Variants in MRPL1 observed in about 807,000 individuals in gnomAD.
The protein encoded by MRPL1 is mitochondrial ribosomal protein L1, also known as large ribosomal subunit protein uL1m.
MRPL1 carries 28 observed loss-of-function variants against 38.0 expected under a neutral mutation model. That is an observed-to-expected ratio of 0.74 (90% CI 0.55 to 1.01). The LOEUF is 1.01. Ranked by LOEUF, MRPL1 falls within the 50% of genes least tolerant of loss-of-function variation. The probability of loss-of-function intolerance (pLI) is 0.00; values close to 1 mark genes in which losing one functional copy is unlikely to be tolerated. For missense variants in MRPL1, 358 were observed against 389.8 expected (o/e 0.92, Z 0.69); for synonymous variants, 123 against 126.7 (o/e 0.97, Z 0.20).
intron 6 of MRPL1, among the ~76,000 whole-genome samples, chr4:77,907,480 C>T (rs1335914122): frequency 1.6e-5 from 2 of 121,712 alleles, no homozygotes; most frequent in Non-Finnish European, 3.6e-5. Flanking sequence ...CTCTCTCTCT[C>T]TCCCTCCCTC....
intron 8 of MRPL1, among the ~76,000 whole-genome samples, chr4:77,950,376 G>T (rs1737379412): frequency 1.3e-5 from 2 of 152,166 alleles, no homozygotes; most frequent in South Asian, 4.1e-4. Context: ...ACTCAATTGA[G>T]ATGTGGAAGC....
intron 5 of MRPL1, 126 bp downstream of exon 5, chr4:77,887,417 G>A (rs1175734028): frequency 1.3e-6 from 1 of 798,756 alleles, no homozygotes; most frequent in South Asian, 2.0e-5. Flanking sequence ...GTCTTTATAA[G>A]AGCAGGAAAA....
In MRPL1 at chr4:77,883,428, A is replaced by G; in HGVS notation, c.330A>G (p.Gln110=). Residue 110 remains glutamine, a synonymous_variant, in exon 3 of 9, where the codon CAA becomes CAG. Transcript: ENST00000315567. Reference sequence around the variant, plus strand: ...CTGTTCACTTACTTAAGAAATTTCAAATTCTTGACTTTACTAGTCCAAAGC... The same window carrying G: ...CTGTTCACTTACTTAAGAAATTTCAGATTCTTGACTTTACTAGTCCAAAGC... The part of the protein sequence containing the change: ...EKAVHLLKKF[Q]ILDFTSPKQS... The G allele has an allele frequency of 6.2e-7, 1 of 1,613,952 alleles. No individual in the cohort carries two copies. Among genetic ancestry groups the G allele is most frequent in the Non-Finnish European group, 8.5e-7 (1 of 1,179,928 alleles).
chr4:77,911,617 C>G (rs1736289980), intron 7 of MRPL1, among the ~76,000 whole-genome samples: 1 of 152,004 alleles, frequency 6.6e-6, no homozygotes, highest in African/African-American at 2.4e-5. Context: ...TTTCCCATTT[C>G]TCCTGTATAT....
intron 7 of MRPL1, among the ~76,000 whole-genome samples, chr4:77,920,957 G>A (rs1356737967): frequency 3.3e-5 from 5 of 152,086 alleles, no homozygotes; most frequent in Admixed American, 2.0e-4. Flanking sequence ...TAGAGATGGG[G>A]TTTCACCAGG....
At chr4:77,908,818 G>A (rs1736221559) in intron 6 of MRPL1, among the ~76,000 whole-genome samples, 1 of 152,162 alleles carries the variant, frequency 6.6e-6, no homozygotes, top group South Asian at 2.1e-4. Context: ...TAGACTCAAT[G>A]GGCGATGGAT....
intron 7 of MRPL1, among the ~76,000 whole-genome samples, chr4:77,943,398 AGCT>A (rs1737179770): frequency 6.6e-6 from 1 of 151,916 alleles, no homozygotes; most frequent in African/African-American, 2.4e-5. Context: ...GTGTTCTTTG[AGCT>A]GCTATGTATT....
intron 2 of MRPL1, among the ~76,000 whole-genome samples, chr4:77,878,142 G>A (rs190846140): frequency 5.6e-4 from 85 of 152,332 alleles, no homozygotes; most frequent in African/African-American, 2.0e-3. Flanking sequence ...GAACTGGAGT[G>A]TGGGACTGAC....
intron 1 of MRPL1, among the ~76,000 whole-genome samples, chr4:77,868,248 G>GA (rs1560457908): frequency 6.8e-6 from 1 of 147,262 alleles, no homozygotes; most frequent in East Asian, 2.0e-4. Flanking sequence ...TGTATATTTT[G>GA]TTTTTTTTTC....
intron 1 of MRPL1, among the ~76,000 whole-genome samples, chr4:77,866,368 A>G (rs1185071252): frequency 6.6e-6 from 1 of 152,250 alleles, no homozygotes; most frequent in Non-Finnish European, 1.5e-5. Flanking sequence ...TTTTACATTG[A>G]TAATTTAATA....
chr4:77,912,355 G>C lies in MRPL1; in HGVS notation c.777+2983G>C, dbSNP rs1351188881. 2.0e-5 allele frequency among the ~76,000 whole-genome samples: 3 copies of C among 152,130 alleles called. No homozygotes were observed. The South Asian group carries it at 6.2e-4, about 31-fold the overall frequency. On this transcript the variant is annotated intron_variant, in intron 7 of 8. Coordinates refer to ENST00000315567, the MANE Select transcript of MRPL1 (RefSeq NM_020236.4). ...TCTAGCTACTAGAACAACGAAGTGA[G>C]TTAACTAAGGTTGAAGGTAGAAGCT...
At chr4:77,890,003 A>G (rs13131331) in intron 5 of MRPL1, among the ~76,000 whole-genome samples, 78,797 of 151,922 alleles carry the variant, frequency 0.52, 20,892 homozygotes, top group Admixed American at 0.57. Flanking sequence ...CTATCAACCA[A>G]AAAAAGTCCA....
chr4:77,903,500 T>A (rs1736082104), intron 6 of MRPL1, among the ~76,000 whole-genome samples: 1 of 152,182 alleles, frequency 6.6e-6, no homozygotes, highest in South Asian at 2.1e-4. Flanking sequence ...AGGGCATACA[T>A]AAGGGAAAGG....
chr4:77,872,450 G>A (rs545056960), intron 2 of MRPL1, among the ~76,000 whole-genome samples: 1 of 151,972 alleles, frequency 6.6e-6, no homozygotes, highest in South Asian at 2.1e-4. Flanking sequence ...GTATTATTTT[G>A]GCTGGGTATG....
At chr4:77,899,141 G>A (rs963269532) in intron 6 of MRPL1, among the ~76,000 whole-genome samples, 1 of 150,200 alleles carries the variant, frequency 6.7e-6, no homozygotes, top group African/African-American at 2.5e-5. Flanking sequence ...CTACAGGCAT[G>A]TGCTGCCACG....
At chr4:77,940,347 G>T (rs1012088140) in intron 7 of MRPL1, among the ~76,000 whole-genome samples, 2 of 152,038 alleles carry the variant, frequency 1.3e-5, no homozygotes, top group Non-Finnish European at 2.9e-5. Flanking sequence ...TTCTCAGCTT[G>T]GTTGCTGTTG....
intron 8 of MRPL1, among the ~76,000 whole-genome samples, 159 bp downstream of exon 8, chr4:77,950,037 TTAAA>T (rs984197308): frequency 2.0e-5 from 3 of 152,176 alleles, no homozygotes; most frequent in African/African-American, 4.8e-5. Context: ...TTTCCAGGGA[TTAAA>T]TAAATAAAAT....
At chr4:77,940,058 T>C (rs532196754) in intron 7 of MRPL1, among the ~76,000 whole-genome samples, 3 of 152,154 alleles carry the variant, frequency 2.0e-5, no homozygotes, top group Non-Finnish European at 2.9e-5. Context: ...TTTTAGGATT[T>C]TTTTTTCTAG....
intron 4 of MRPL1, among the ~76,000 whole-genome samples, chr4:77,885,580 T>A (rs1329488158): frequency 1.3e-5 from 2 of 152,094 alleles, no homozygotes; most frequent in East Asian, 3.9e-4. Context: ...TTGGCCGGGG[T>A]AGTCTTGATC....
Sources: allele counts gnomAD v4.1 joint callset (sites outside exome capture counted in the v4.1 genomes callset), GRCh38; gene constraint gnomAD v4.1.1; transcripts MANE v1.5; gene names NCBI Gene and HGNC (gene_info 2026-07-23, HGNC 2026-07-21).